CMAS: variants seen among roughly 807,000 people sequenced by gnomAD.
CMAS encodes the protein cytidine monophosphate N-acetylneuraminic acid synthetase, also known as N-acylneuraminate cytidylyltransferase.
Under a neutral mutation model 53.4 loss-of-function variants are expected in CMAS, and 21 were observed. That is an observed-to-expected ratio of 0.39 (90% CI 0.28 to 0.57). The LOEUF is 0.57. Ranked by LOEUF, CMAS falls within the 20% of genes least tolerant of loss-of-function variation. The pLI, the probability that CMAS is intolerant of heterozygous loss-of-function variation, is 0.56. For missense variants in CMAS, 384 were observed against 534.9 expected, an observed-to-expected ratio of 0.72 and a Z score of 2.78; for synonymous variants, 189 against 195.2, an observed-to-expected ratio of 0.97 and a Z score of 0.27.
intron 1 of CMAS, among the ~76,000 whole-genome samples, chr12:22,047,441 T>C (rs546301799): frequency 3.3e-5 from 5 of 152,272 alleles, no homozygotes; most frequent in East Asian, 1.9e-4. Flanking sequence ...GATGTTTCGA[T>C]TTTTAAAGAG....
chr12:22,061,374 A>C lies in CMAS; in HGVS notation c.882A>C (p.Ser294=). Residue 294 remains serine (S), a synonymous_variant, in exon 6 of 8, where the codon TCA becomes TCC. Coordinates refer to ENST00000229329, the MANE Select transcript of CMAS (RefSeq NM_018686.6). ...TCACCAATGGCCACATTTATGTATC[A>C]GGAGACCAAAAAGAAATAATATCTT... is the stretch of plus-strand genomic sequence containing the variant. ...GCLTNGHIYV[S]GDQKEIISYD... 1 of 1,607,286 alleles carries C rather than the reference A, an allele frequency of 6.2e-7. No homozygotes were observed. The highest frequency in any genetic ancestry group is 1.7e-5 in the Admixed American group (1 of 59,520).
chr12:22,048,185 C>G (rs1394749810), intron 1 of CMAS, among the ~76,000 whole-genome samples: 1 of 152,164 alleles, frequency 6.6e-6, no homozygotes, highest in Non-Finnish European at 1.5e-5. Context: ...AGCCCTTAGT[C>G]TCATAGAGCT....
chr12:22,059,393 A>C (rs553543652), intron 4 of CMAS, among the ~76,000 whole-genome samples: 4 of 152,110 alleles, frequency 2.6e-5, no homozygotes, highest in African/African-American at 4.8e-5. Flanking sequence ...ATCTTATGTA[A>C]TCTGCATAGC....
At chr12:22,056,398 C>T (rs1430235432) in intron 3 of CMAS, among the ~76,000 whole-genome samples, 2 of 152,118 alleles carry the variant, frequency 1.3e-5, no homozygotes, top group Non-Finnish European at 2.9e-5. Context: ...TACATATTTT[C>T]CTCCAGAGAG....
At chr12:22,064,994 C>T in intron 7 of CMAS, 127 bp from the exon 8 acceptor site, 1 of 619,430 alleles carries the variant, frequency 1.6e-6, no homozygotes, top group Non-Finnish European at 2.8e-6. Flanking sequence ...CTTTAGTATT[C>T]TTATATGCAG....
chr12:22,047,516 A>T (rs1273270225), intron 1 of CMAS, among the ~76,000 whole-genome samples: 1 of 152,130 alleles, frequency 6.6e-6, no homozygotes, highest in Non-Finnish European at 1.5e-5. Flanking sequence ...ATATTAATAT[A>T]TGGGTAAATG....
At chr12:22,062,521 C>A in intron 7 of CMAS, 87 bp downstream of exon 7, 2 of 1,319,650 alleles carry the variant, frequency 1.5e-6, no homozygotes, top group Non-Finnish European at 2.2e-6. Context: ...GCACATCCTC[C>A]AAATGGGTAT....
chr12:22,050,157 C>A (rs1440577592), intron 1 of CMAS, among the ~76,000 whole-genome samples: 1 of 152,154 alleles, frequency 6.6e-6, no homozygotes, highest in Non-Finnish European at 1.5e-5. Flanking sequence ...ATAGCTACGT[C>A]GTTTGTACCT....
At chr12:22,053,795 C>T (rs1213485989) in intron 1 of CMAS, among the ~76,000 whole-genome samples, 2 of 149,708 alleles carry the variant, frequency 1.3e-5, no homozygotes, top group East Asian at 2.0e-4. Context: ...AGGAGAATGG[C>T]ATGAACCTGG....
intron 5 of CMAS, 21 bp from the exon 6 acceptor site, chr12:22,061,260 G>A: frequency 2.5e-6 from 4 of 1,580,046 alleles, no homozygotes; most frequent in Middle Eastern, 3.3e-4. Context: ...GTACTCAAAG[G>A]TCTATTTTGG....
intron 7 of CMAS, 118 bp from the exon 8 acceptor site, chr12:22,065,003 A>G: frequency 1.5e-6 from 1 of 665,936 alleles, no homozygotes; most frequent in Middle Eastern, 4.2e-4. Flanking sequence ...TCTTATATGC[A>G]GTGCCCCTAG....
chr12:22,047,637 TAGG>T (rs1261946140), intron 1 of CMAS, among the ~76,000 whole-genome samples: 2 of 152,042 alleles, frequency 1.3e-5, no homozygotes, highest in Non-Finnish European at 2.9e-5. Flanking sequence ...CCAAGGCAAA[TAGG>T]AGCCACCACT....
chr12:22,046,590 C>T (rs967501683), intron 1 of CMAS, 27 bp downstream of exon 1: 1 of 1,490,728 alleles, frequency 6.7e-7, no homozygotes, highest in African/African-American at 1.4e-5. Context: ...GTGGGCGGCG[C>T]GGCCTGGGCG....
At chr12:22,062,491 AT>A in intron 7 of CMAS, 57 bp downstream of exon 7, 1 of 1,543,768 alleles carries the variant, frequency 6.5e-7, no homozygotes, top group Non-Finnish European at 8.9e-7. Context: ...TTATTTACTT[AT>A]TTTTAAAGAA....
chr12:22,063,595 A>C (rs1950322986), intron 7 of CMAS, among the ~76,000 whole-genome samples: 1 of 152,006 alleles, frequency 6.6e-6, no homozygotes, highest in Admixed American at 6.6e-5. Context: ...TATAGGTAAA[A>C]CTCTAGAATT....
chr12:22,046,700 CG>C (rs1208486595), intron 1 of CMAS, 137 bp downstream of exon 1: 22 of 1,091,226 alleles, frequency 2.0e-5, no homozygotes, highest in Non-Finnish European at 2.7e-5. Flanking sequence ...GTGCAAGATC[CG>C]GGGTGCCTGG....
intron 7 of CMAS, 102 bp downstream of exon 7, chr12:22,062,536 G>A (rs1950315591): frequency 5.1e-6 from 6 of 1,184,990 alleles, no homozygotes; most frequent in Non-Finnish European, 4.9e-6. Flanking sequence ...GGGTATGATT[G>A]TAGGGAAATA....
chr12:22,065,465 G>C lies in CMAS; in HGVS notation c.*154G>C. 1.7e-6 allele frequency: 1 copy of C among 587,948 alleles called. No homozygotes were observed. Among genetic ancestry groups the C allele is most frequent in the Non-Finnish European group, 2.9e-6 (1 of 341,740 alleles). The allele number at this position is 587,948 out of a possible 1,614,324, so 36.4% of individuals were successfully genotyped here. ...GTGCTCTACTTTTCTCTTTACGCAA[G>C]ATAATTATTTAGAGACTGATTACAG... On this transcript the variant is annotated 3_prime_UTR_variant, in exon 8 of 8. Transcript: ENST00000229329.
chr12:22,057,265 A>ACACACG (rs2138184376), intron 3 of CMAS, among the ~76,000 whole-genome samples: 1 of 150,716 alleles, frequency 6.6e-6, no homozygotes, highest in East Asian at 1.9e-4. Context: ...ACACACACAC[A>ACACACG]CACACACACA....
Sources: gnomAD v4.1 joint callset for allele counts (sites outside exome capture counted in the v4.1 genomes callset) on GRCh38, gnomAD v4.1.1 for gene constraint, MANE v1.5 for transcripts, NCBI Gene and HGNC (gene_info 2026-07-23, HGNC 2026-07-21) for gene names.